The following RAB10 variants were observed in gnomAD, a reference collection of about 807,000 sequenced individuals.
The protein encoded by RAB10 is ras-related protein Rab-10.
Under a neutral mutation model 25.7 loss-of-function variants are expected in RAB10, and 5 were observed. That is an observed-to-expected ratio of 0.19 (90% CI 0.10 to 0.41). RAB10 has a LOEUF of 0.41. Among genes scored for constraint, RAB10 ranks in the 10% least tolerant of loss-of-function variants. The pLI, the probability that RAB10 is intolerant of heterozygous loss-of-function variation, is 1.00. For missense variants in RAB10, 103 were observed against 245.8 expected (o/e 0.42, Z 3.89); for synonymous variants, 89 against 86.4 (o/e 1.03, Z -0.16).
Position 26,081,991 on chromosome 2 carries a change from C to G in RAB10, c.128-16671C>G, listed in dbSNP as rs566008833. Among the ~76,000 whole-genome samples, 3 of 152,070 alleles carry G rather than the reference C, an allele frequency of 2.0e-5. No individual in the cohort carries two copies. In the South Asian group the frequency reaches 6.2e-4, roughly 32 times the overall value. ...AAATTATTCCGGATGGAAATCGAAA[C>G]TTACACAAAAGGAATGAAGATGACA... is the stretch of plus-strand genomic sequence containing the variant. On this transcript the variant is annotated intron_variant, in intron 1 of 5. Transcript: ENST00000264710.
chr2:26,102,601 G>A (rs1305015037), intron 2 of RAB10, among the ~76,000 whole-genome samples: 1 of 152,110 alleles, frequency 6.6e-6, no homozygotes, highest in Non-Finnish European at 1.5e-5. Flanking sequence ...ACCACGTCCA[G>A]CTAATTTTTT....
At chr2:26,069,909 G>T (rs1666589022) in intron 1 of RAB10, among the ~76,000 whole-genome samples, 1 of 151,982 alleles carries the variant, frequency 6.6e-6, no homozygotes. Flanking sequence ...TTTCGCCATG[G>T]TTGGCCAGGC....
intron 1 of RAB10, among the ~76,000 whole-genome samples, chr2:26,095,844 C>T (rs763541281): frequency 2.6e-4 from 39 of 151,906 alleles, no homozygotes; most frequent in Non-Finnish European, 5.0e-4. Context: ...CCCAGGAGGT[C>T]GAGGCTGCAG....
intron 1 of RAB10, among the ~76,000 whole-genome samples, chr2:26,079,754 T>C (rs1161953504): frequency 6.6e-6 from 1 of 151,650 alleles, no homozygotes; most frequent in African/African-American, 2.4e-5. Flanking sequence ...AAGCCTCAAC[T>C]TCATGGGCTC....
intron 1 of RAB10, among the ~76,000 whole-genome samples, chr2:26,087,468 T>TCTCGGCTCACCGCAAC (rs1305830880): frequency 6.6e-6 from 1 of 152,198 alleles, no homozygotes; most frequent in African/African-American, 2.4e-5. Context: ...AATGGCGCAA[T>TCTCGGCTCACCGCAAC]CTCGGCTCAC....
intron 1 of RAB10, among the ~76,000 whole-genome samples, chr2:26,066,092 G>A (rs1443729276): frequency 6.6e-6 from 1 of 150,886 alleles, no homozygotes; most frequent in African/African-American, 2.5e-5. Flanking sequence ...ACTTTCAAAA[G>A]CTTTATTTTG....
chr2:26,064,307 GT>G (rs1666469020), intron 1 of RAB10, among the ~76,000 whole-genome samples: 1 of 152,074 alleles, frequency 6.6e-6, no homozygotes, highest in Non-Finnish European at 1.5e-5. Context: ...GAATACAACT[GT>G]TTTTGAAAAT....
At chr2:26,093,111 G>C (rs1311440357) in intron 1 of RAB10, among the ~76,000 whole-genome samples, 34 of 152,100 alleles carry the variant, frequency 2.2e-4, no homozygotes, top group Admixed American at 2.2e-3. Context: ...TTGGTGAGAG[G>C]TTAGTTATGA....
intron 1 of RAB10, among the ~76,000 whole-genome samples, chr2:26,097,518 TC>T: frequency 6.6e-6 from 1 of 152,214 alleles, no homozygotes; most frequent in Non-Finnish European, 1.5e-5. Context: ...CCTCAGGTGA[TC>T]CGCCTGCCTT....
At chr2:26,039,246 C>T (rs1323709610) in intron 1 of RAB10, among the ~76,000 whole-genome samples, 3 of 151,928 alleles carry the variant, frequency 2.0e-5, no homozygotes, top group East Asian at 3.9e-4. Flanking sequence ...GTCTTGAACT[C>T]CTGACGTCAG....
chr2:26,097,466 C>T (rs1468811681), intron 1 of RAB10, among the ~76,000 whole-genome samples: 2 of 152,042 alleles, frequency 1.3e-5, no homozygotes, highest in Admixed American at 6.5e-5. Flanking sequence ...TTAGTAGAGA[C>T]GGGGTTTCAC....
At chr2:26,056,239 G>A (rs766042673) in intron 1 of RAB10, among the ~76,000 whole-genome samples, 4 of 151,084 alleles carry the variant, frequency 2.6e-5, no homozygotes, top group Admixed American at 6.6e-5. Flanking sequence ...TTGCTCTGTC[G>A]CCAGGCTAGA....
intron 3 of RAB10, among the ~76,000 whole-genome samples, chr2:26,121,134 A>G (rs1485581463): frequency 6.6e-6 from 1 of 151,216 alleles, no homozygotes; most frequent in African/African-American, 2.4e-5. Context: ...CTGGTCTCGA[A>G]CCCCTGACCT....
intron 1 of RAB10, among the ~76,000 whole-genome samples, chr2:26,047,239 A>C (rs970580975): frequency 6.6e-6 from 1 of 152,062 alleles, no homozygotes; most frequent in African/African-American, 2.4e-5. Context: ...TACACTCCAA[A>C]CCTTGGTAAC....
intron 3 of RAB10, 65 bp from the exon 4 acceptor site, chr2:26,127,079 C>G (rs1667922836): frequency 8.0e-7 from 1 of 1,250,810 alleles, no homozygotes; most frequent in Non-Finnish European, 1.1e-6. Context: ...AATAAAGTCA[C>G]TTTTAAAGAC....
At position 26,136,109 on chromosome 2, in the gene RAB10, A is replaced by T. The variant is rs1165829821; in HGVS notation, c.*1088A>T. The stretch of plus-strand genomic sequence containing the variant: ...TGAAATGGAAGAGTTAACTGCATGC[A>T]CTAGTGTTTGGAGGGTGTTGTGGTT... On this transcript the variant is annotated 3_prime_UTR_variant, in exon 6 of 6. Transcript: ENST00000264710. 1 of 152,564 alleles carries T rather than the reference A, an allele frequency of 6.6e-6. No homozygotes were observed. Among genetic ancestry groups the T allele is most frequent in the Non-Finnish European group, 1.5e-5 (1 of 68,036 alleles). 9.5% of individuals were successfully genotyped at this position (152,564 alleles called of 1,614,324 possible).
intron 1 of RAB10, among the ~76,000 whole-genome samples, chr2:26,066,777 A>ATTTTTTTTT (rs3065544): frequency 1.6e-4 from 18 of 110,236 alleles, no homozygotes; most frequent in African/African-American, 5.8e-4. Context: ...CATGCCATCA[A>ATTTTTTTTT]TTTTTTTTTT....
upstream of RAB10, among the ~76,000 whole-genome samples, chr2:26,033,331 A>G (rs1230887186): frequency 6.6e-6 from 1 of 152,192 alleles, no homozygotes; most frequent in Non-Finnish European, 1.5e-5. Flanking sequence ...AGCACCGCAC[A>G]GAACCCTCCA....
At position 26,124,999 on chromosome 2, in the gene RAB10, C is replaced by T. The variant is rs1227842445; in HGVS notation, c.328-2145C>T. 2.0e-5 allele frequency among the ~76,000 whole-genome samples: 3 copies of T among 152,244 alleles called. No individual in the cohort carries two copies. The East Asian group carries it at 5.8e-4, about 29-fold the overall frequency. On this transcript the variant is annotated intron_variant, in intron 3 of 5. Coordinates refer to ENST00000264710, the MANE Select transcript of RAB10 (RefSeq NM_016131.5). The stretch of plus-strand genomic sequence containing the variant: ...TTTTATATGCCATGTTCTGTTTATT[C>T]ATTCACCCATTGTTGGATATGTGGG...
Sources: allele counts gnomAD v4.1 joint callset (sites outside exome capture counted in the v4.1 genomes callset), GRCh38; gene constraint gnomAD v4.1.1; transcripts MANE v1.5; gene names NCBI Gene and HGNC (gene_info 2026-07-23, HGNC 2026-07-21).